KLKB1: variants seen among roughly 807,000 people sequenced by gnomAD.
KLKB1 encodes the protein kallikrein B1.
In KLKB1, 58 loss-of-function variants were observed where a neutral mutation model predicts 73.6. The ratio of observed to expected loss-of-function variants is 0.79; its 90% CI spans 0.64 to 0.98. The LOEUF (loss-of-function observed/expected upper bound fraction) is 0.98, where lower values mean the gene tolerates loss of function less well. Among genes scored for constraint, KLKB1 ranks in the 50% least tolerant of loss-of-function variants. KLKB1 has a pLI of 0.00. For missense variants in KLKB1, 737 were observed against 763.8 expected (o/e 0.96, Z 0.41); for synonymous variants, 280 against 258.1 (o/e 1.08, Z -0.81).
chr4:186,240,600 C>T (rs965825164), intron 6 of KLKB1, among the ~76,000 whole-genome samples: 10 of 152,284 alleles, frequency 6.6e-5, no homozygotes, highest in South Asian at 2.1e-4. Context: ...AAATCCCTTA[C>T]GGCCAGTTTT....
intron 6 of KLKB1, among the ~76,000 whole-genome samples, chr4:186,239,350 A>G (rs1737885326): frequency 6.6e-6 from 1 of 151,488 alleles, no homozygotes; most frequent in Non-Finnish European, 1.5e-5. Flanking sequence ...GTTATAGGAA[A>G]CTAGTACAGT....
chr4:186,236,051 T>C (rs1417508217), intron 4 of KLKB1, among the ~76,000 whole-genome samples: 4 of 147,726 alleles, frequency 2.7e-5, no homozygotes, highest in African/African-American at 5.1e-5. Flanking sequence ...GAGGCGGAGC[T>C]TGCAGTGAGT....
At chr4:186,246,061 C>T (rs1006214574) in intron 6 of KLKB1, among the ~76,000 whole-genome samples, 1 of 151,846 alleles carries the variant, frequency 6.6e-6, no homozygotes, top group African/African-American at 2.4e-5. Context: ...TAGCTCCAAC[C>T]ACCTCTTTAA....
At chr4:186,254,174 G>A (rs1469768772) in intron 11 of KLKB1, among the ~76,000 whole-genome samples, 1 of 152,180 alleles carries the variant, frequency 6.6e-6, no homozygotes, top group Non-Finnish European at 1.5e-5. Context: ...CTCCTACTTT[G>A]ACTAATTAGA....
chr4:186,243,113 G>T (rs1231503917), intron 6 of KLKB1, among the ~76,000 whole-genome samples: 1 of 152,168 alleles, frequency 6.6e-6, no homozygotes, highest in Non-Finnish European at 1.5e-5. Flanking sequence ...AAGTCAATCT[G>T]CCAGTCCTGG....
rs146477684 is a variant in KLKB1 at position 186,241,445 on chromosome 4, T to A, written c.598+3080T>A. Among the ~76,000 whole-genome samples, 195 of 152,256 alleles carry A rather than the reference T, an allele frequency of 1.3e-3. 1 individual carries two copies. Among genetic ancestry groups the A allele is most frequent in the African/African-American group, 4.5e-3 (185 of 41,556 alleles). On this transcript the variant is annotated intron_variant, in intron 6 of 14. Coordinates refer to ENST00000264690, the MANE Select transcript of KLKB1 (RefSeq NM_000892.5). ...TTTGTTTTTTTAATGGATTTAATGG[T>A]GTTTTAAAGCCTCCTGCCTCTCAAC...
chr4:186,245,840 G>A (rs547236514), intron 6 of KLKB1, among the ~76,000 whole-genome samples: 5 of 72,186 alleles, frequency 6.9e-5, no homozygotes, highest in Non-Finnish European at 1.0e-4. Context: ...TTTTTTTAAT[G>A]TCAGGAGCTG....
Position 186,251,783 on chromosome 4 carries a change from T to C in KLKB1, c.1066T>C (p.Ser356Pro). 3 of 1,614,086 alleles carry C rather than the reference T, an allele frequency of 1.9e-6. No homozygotes were observed. The highest frequency in any genetic ancestry group is 2.5e-6 in the Non-Finnish European group (3 of 1,179,936). Residue 356 changes from serine (S) to proline (P), a missense_variant, in exon 10 of 15, where the codon TCT becomes CCT. Transcript: ENST00000264690. ...KCFLRLSMDG[S>P]PTRIAYGTQG... The stretch of plus-strand genomic sequence containing the variant: ...TTTCTTAAGATTATCTATGGATGGT[T>C]CTCCAACTAGGATTGCGTATGGGAC...
chr4:186,234,596 GC>G (rs1359118476), intron 4 of KLKB1, among the ~76,000 whole-genome samples: 1 of 152,154 alleles, frequency 6.6e-6, no homozygotes, highest in East Asian at 1.9e-4. Flanking sequence ...TAATTTTCTG[GC>G]CCAAAACGTC....
Position 186,251,224 on chromosome 4 carries a change from T to C in KLKB1, c.764T>C (p.Val255Ala). The change falls in exon 8 of 15, where the codon GTT becomes GCT. Residue 255 changes from valine (V) to alanine (A), a missense_variant. Coordinates refer to ENST00000264690, the MANE Select transcript of KLKB1 (RefSeq NM_000892.5). The part of the protein sequence containing the change: ...NVWKIESQRN[V>A]CLLKTSESGT... Reference sequence around the variant, plus strand: ...CTTTTTTTTAAAAAAAATAGAAATGTTTGTCTTCTTAAAACATCTGAAAGT... The same window carrying C: ...CTTTTTTTTAAAAAAAATAGAAATGCTTGTCTTCTTAAAACATCTGAAAGT... 1.3e-6 allele frequency: 2 copies of C among 1,594,040 alleles called. No homozygotes were observed. Among genetic ancestry groups the C allele is most frequent in the Non-Finnish European group, 1.7e-6 (2 of 1,162,812 alleles).
At chr4:186,212,997 T>G (rs1736779101) in intron 2 of KLKB1, 1 of 152,214 alleles carries the variant, frequency 6.6e-6, no homozygotes, top group South Asian at 2.1e-4. Flanking sequence ...ATAATAAAAG[T>G]TGTATTTGTG....
chr4:186,245,363 C>T (rs776938054), intron 6 of KLKB1, among the ~76,000 whole-genome samples: 16 of 152,166 alleles, frequency 1.1e-4, no homozygotes, highest in Non-Finnish European at 2.1e-4. Context: ...GATCGGGCAG[C>T]GTCAGTCTTC....
At chr4:186,216,709 T>C (rs1413469649) in intron 2 of KLKB1, among the ~76,000 whole-genome samples, 1 of 152,208 alleles carries the variant, frequency 6.6e-6, no homozygotes, top group Non-Finnish European at 1.5e-5. Flanking sequence ...ATGTTCTTTT[T>C]GGCTCTTGTC....
At chr4:186,251,160 C>A in intron 7 of KLKB1, 59 bp from the exon 8 acceptor site, 1 of 1,113,360 alleles carries the variant, frequency 9.0e-7, no homozygotes, top group Non-Finnish European at 1.4e-6. Flanking sequence ...TTTGTATTTG[C>A]CTAATGCCTT....
chr4:186,258,093 G>A lies in KLKB1; in HGVS notation c.1798G>A (p.Glu600Lys), dbSNP rs1435177982. 3.1e-6 allele frequency: 5 copies of A among 1,614,068 alleles called. No individual in the cohort carries two copies. The East Asian group carries it at 8.9e-5, about 29-fold the overall frequency. ...TTTGGTGGGCATCACCAGCTGGGGT[G>A]AAGGCTGTGCCCGCAGGGAGCAACC... ...WRLVGITSWG[E>K]GCARREQPGV... Residue 600 changes from glutamate (E) to lysine (K), a missense_variant, in exon 15 of 15, where the codon GAA (glutamate) becomes AAA (lysine). Transcript: ENST00000264690.
At chr4:186,236,080 C>T (rs1251746642) in intron 4 of KLKB1, among the ~76,000 whole-genome samples, 1 of 146,426 alleles carries the variant, frequency 6.8e-6, no homozygotes, top group Non-Finnish European at 1.5e-5. Flanking sequence ...CGCCACTGCG[C>T]TCCAGCCTGG....
chr4:186,241,092 T>A (rs1191180275), intron 6 of KLKB1, among the ~76,000 whole-genome samples: 1 of 152,146 alleles, frequency 6.6e-6, no homozygotes, highest in Non-Finnish European at 1.5e-5. Context: ...CAGGTGGTGT[T>A]TTGAGCTGCT....
intron 4 of KLKB1, among the ~76,000 whole-genome samples, chr4:186,235,523 C>A (rs1737620090): frequency 6.6e-6 from 1 of 152,152 alleles, no homozygotes; most frequent in African/African-American, 2.4e-5. Context: ...AAAGAGACTT[C>A]GTTTCCACAG....
chr4:186,253,612 A>G (rs760241210), intron 11 of KLKB1, among the ~76,000 whole-genome samples: 3 of 146,878 alleles, frequency 2.0e-5, no homozygotes, highest in Non-Finnish European at 4.5e-5. Context: ...TGCAAATAAA[A>G]AAAGGCCCCT....
Sources: allele counts gnomAD v4.1 joint callset (sites outside exome capture counted in the v4.1 genomes callset), GRCh38; gene constraint gnomAD v4.1.1; transcripts MANE v1.5; gene names NCBI Gene and HGNC (gene_info 2026-07-23, HGNC 2026-07-21).